PSME4: variants seen among roughly 807,000 people sequenced by gnomAD.
The protein encoded by PSME4 is proteasome activator complex subunit 4.
PSME4 carries 89 observed loss-of-function variants against 253.9 expected under a neutral mutation model. The observed-to-expected ratio is 0.35, with a 90% CI of 0.30 to 0.42. PSME4 has a LOEUF of 0.42. Among genes scored for constraint, PSME4 ranks in the 10% least tolerant of loss-of-function variants. The pLI is 1.00. For synonymous variants in PSME4, 851 were observed against 759.2 expected (o/e 1.12, Z -1.99); for missense variants, 2,014 against 2,195.2 (o/e 0.92, Z 1.65).
At chr2:53,946,666 C>T (rs552033772) in intron 3 of PSME4, among the ~76,000 whole-genome samples, 1 of 152,324 alleles carries the variant, frequency 6.6e-6, no homozygotes, top group Admixed American at 6.5e-5. Flanking sequence ...GAGGCCAAGG[C>T]GGGAGGATCA....
At chr2:53,956,348 G>A (rs1670234606) in intron 1 of PSME4, among the ~76,000 whole-genome samples, 1 of 151,690 alleles carries the variant, frequency 6.6e-6, no homozygotes, top group African/African-American at 2.4e-5. Context: ...CGTCAACACG[G>A]TGAAACCCCG....
intron 40 of PSME4, among the ~76,000 whole-genome samples, chr2:53,886,810 C>A (rs898175624): frequency 1.3e-5 from 2 of 152,120 alleles, no homozygotes; most frequent in Non-Finnish European, 2.9e-5. Flanking sequence ...AAATATCCAG[C>A]AAACAGATGA....
chr2:53,891,552 A>ATT (rs111453700), intron 36 of PSME4, among the ~76,000 whole-genome samples: 3 of 150,854 alleles, frequency 2.0e-5, no homozygotes, highest in Non-Finnish European at 3.0e-5. Flanking sequence ...AAAATTTTGA[A>ATT]TTTTTTTTTT....
chr2:53,959,091 T>A (rs1414294236), intron 1 of PSME4, among the ~76,000 whole-genome samples: 4 of 152,184 alleles, frequency 2.6e-5, no homozygotes, highest in African/African-American at 4.8e-5. Context: ...CCAGGGCAGG[T>A]GGACTGCTTG....
At chr2:53,967,183 G>A (rs1297213746) in intron 1 of PSME4, among the ~76,000 whole-genome samples, 1 of 152,056 alleles carries the variant, frequency 6.6e-6, no homozygotes, top group African/African-American at 2.4e-5. Context: ...CCCTTGTGAT[G>A]TGTTACATCA....
rs770160123 is a variant in PSME4, at chr2:53,927,488, G to T, written c.1504-5C>A. On this transcript the variant is annotated splice_polypyrimidine_tract_variant and splice_region_variant and intron_variant, in intron 11 of 46. Coordinates refer to ENST00000404125, the MANE Select transcript of PSME4 (RefSeq NM_014614.3). ...TGCTATGAACTGGAATGTGATCTGT[G>T]GAAACATACAAAGGATTTTCAACAT... 1 of 1,555,956 alleles carries T rather than the reference G, an allele frequency of 6.4e-7. No homozygotes were observed. Among genetic ancestry groups the T allele is most frequent in the South Asian group, 1.1e-5 (1 of 89,796 alleles).
rs369610544 is a variant in PSME4, at chr2:53,936,740, A to G, written c.759+24T>C. On this transcript the variant is annotated intron_variant, in intron 6 of 46. Coordinates refer to ENST00000404125, the MANE Select transcript of PSME4 (RefSeq NM_014614.3). ...AAGAAAAAAAAAACTATAGGGGGGAAGAAAGGGAAAAAGGGATACTTACCC... is the reference window on the plus strand; with the variant it reads ...AAGAAAAAAAAAACTATAGGGGGGAGGAAAGGGAAAAAGGGATACTTACCC... 69 of 1,508,122 alleles carry G rather than the reference A, an allele frequency of 4.6e-5. No individual in the cohort carries two copies. The African/African-American group carries it at 7.4e-4, about 16-fold the overall frequency. 93.4% of individuals were successfully genotyped at this position (1,508,122 alleles called of 1,614,324 possible). A position where few individuals can be genotyped will look rare whatever the true frequency, so the allele number is the denominator to read the frequency against.
intron 43 of PSME4, 32 bp from the exon 44 acceptor site, chr2:53,869,570 C>T: frequency 1.4e-6 from 2 of 1,437,376 alleles, no homozygotes; most frequent in Non-Finnish European, 1.9e-6. Flanking sequence ...TTAGGACTGA[C>T]ATTCTAAGTC....
At chr2:53,920,145 C>A in intron 19 of PSME4, 48 bp downstream of exon 19, 2 of 1,484,534 alleles carry the variant, frequency 1.3e-6, no homozygotes, top group South Asian at 1.4e-5. Flanking sequence ...CCAAAAAAGA[C>A]TTCTTTAGTC....
intron 43 of PSME4, among the ~76,000 whole-genome samples, chr2:53,871,495 C>A (rs2104410364): frequency 6.6e-6 from 1 of 152,020 alleles, no homozygotes; most frequent in East Asian, 2.0e-4. Flanking sequence ...ACCTCGTGAT[C>A]CGCCCACCTC....
intron 3 of PSME4, 66 bp downstream of exon 3, chr2:53,948,355 A>G (rs1441108141): frequency 1.3e-5 from 12 of 943,548 alleles, no homozygotes; most frequent in South Asian, 4.1e-5. Context: ...ATATTTTTCA[A>G]TCATGATCAC....
At chr2:53,916,059 A>G (rs189599578) in intron 20 of PSME4, among the ~76,000 whole-genome samples, 593 of 152,056 alleles carry the variant, frequency 3.9e-3, no homozygotes, top group Non-Finnish European at 6.4e-3. Flanking sequence ...TGGGTGACAA[A>G]AGCAAAACTC....
chr2:53,915,737 T>C (rs1437088260), intron 20 of PSME4, among the ~76,000 whole-genome samples: 1 of 152,012 alleles, frequency 6.6e-6, no homozygotes, highest in Non-Finnish European at 1.5e-5. Context: ...GCAGCTAGAA[T>C]TTTATCTAAG....
chr2:53,872,508 A>T (rs1378010093), intron 43 of PSME4, among the ~76,000 whole-genome samples: 2 of 152,234 alleles, frequency 1.3e-5, no homozygotes, highest in South Asian at 4.1e-4. Context: ...TATAAGGCCA[A>T]GGCGGGTAGA....
In PSME4 at chr2:53,895,114, A is replaced by G. The variant is rs752181491; in HGVS notation, c.3843-38T>C. 5 of 1,542,236 alleles carry G rather than the reference A, an allele frequency of 3.2e-6. No homozygotes were observed. The East Asian group carries it at 1.1e-4, about 35-fold the overall frequency. ...AGTTCATATTTATCATACGCATAGA[A>G]AAAAATATTAGAGCTTCATGGATAG... On this transcript the variant is annotated intron_variant, in intron 33 of 46. Coordinates refer to ENST00000404125, the MANE Select transcript of PSME4 (RefSeq NM_014614.3).
intron 20 of PSME4, among the ~76,000 whole-genome samples, chr2:53,916,618 A>G (rs191580417): frequency 2.6e-5 from 4 of 152,326 alleles, no homozygotes; most frequent in African/African-American, 9.6e-5. Flanking sequence ...GAATTACTGT[A>G]TTAGTTTTTT....
At chr2:53,920,123 C>A in intron 19 of PSME4, 70 bp downstream of exon 19, 2 of 1,336,204 alleles carry the variant, frequency 1.5e-6, no homozygotes, top group Non-Finnish European at 1.0e-6. Flanking sequence ...ATGAGATATG[C>A]CACAGATAAA....
intron 24 of PSME4, among the ~76,000 whole-genome samples, chr2:53,907,777 T>C (rs1017749169): frequency 6.6e-6 from 1 of 152,180 alleles, no homozygotes; most frequent in African/African-American, 2.4e-5. Context: ...CCATTCCTTC[T>C]GTCTAAAGTA....
chr2:53,876,686 A>G (rs985377821), intron 41 of PSME4, among the ~76,000 whole-genome samples: 2 of 148,618 alleles, frequency 1.3e-5, no homozygotes, highest in African/African-American at 4.9e-5. Context: ...ATGAATTCCA[A>G]CAAATCTGAT....
Sources: gnomAD v4.1 joint callset for allele counts (sites outside exome capture counted in the v4.1 genomes callset) on GRCh38, gnomAD v4.1.1 for gene constraint, MANE v1.5 for transcripts, NCBI Gene and HGNC (gene_info 2026-07-23, HGNC 2026-07-21) for gene names.